Variants in FAM135B observed in about 807,000 individuals in gnomAD.
FAM135B encodes protein FAM135B.
In FAM135B, 43 loss-of-function variants were observed where a neutral mutation model predicts 127.7. That is an observed-to-expected ratio of 0.34 (90% CI 0.26 to 0.43). FAM135B has a LOEUF of 0.43. FAM135B is among the 20% of genes least tolerant of loss of function. The pLI is 1.00. For missense variants in FAM135B, 1,558 were observed against 1,725.6 expected, an observed-to-expected ratio of 0.90 and a Z score of 1.72; for synonymous variants, 670 against 665.1, an observed-to-expected ratio of 1.01 and a Z score of -0.11.
At chr8:138,430,908 T>A (rs1317662627) in intron 1 of FAM135B, among the ~76,000 whole-genome samples, 1 of 152,154 alleles carries the variant, frequency 6.6e-6, no homozygotes, top group Non-Finnish European at 1.5e-5. Flanking sequence ...AGTTTCCTCA[T>A]CCCTAAAATG....
chr8:138,207,994 T>A (rs1441155692), intron 7 of FAM135B, among the ~76,000 whole-genome samples: 1 of 152,174 alleles, frequency 6.6e-6, no homozygotes, highest in East Asian at 1.9e-4. Flanking sequence ...ATCCAATTGG[T>A]TCAGCACTCA....
chr8:138,313,102 A>C (rs940120068), intron 2 of FAM135B, among the ~76,000 whole-genome samples: 3 of 152,214 alleles, frequency 2.0e-5, no homozygotes, highest in African/African-American at 7.2e-5. Flanking sequence ...ATATAAAACT[A>C]TTAGGAAACA....
chr8:138,230,165 T>C (rs1360600594), intron 7 of FAM135B, among the ~76,000 whole-genome samples: 1 of 152,052 alleles, frequency 6.6e-6, no homozygotes, highest in Admixed American at 6.5e-5. Flanking sequence ...AAAGATGAAA[T>C]GGGAATACAG....
intron 3 of FAM135B, among the ~76,000 whole-genome samples, chr8:138,310,241 T>C (rs1826576491): frequency 6.6e-6 from 1 of 152,118 alleles, no homozygotes; most frequent in African/African-American, 2.4e-5. Flanking sequence ...TCCTAATAGC[T>C]CTACTAGTTA....
At chr8:138,226,028 G>C (rs539696498) in intron 7 of FAM135B, among the ~76,000 whole-genome samples, 1 of 152,098 alleles carries the variant, frequency 6.6e-6, no homozygotes. Context: ...AATAGTATTA[G>C]AGCCCAGTTT....
intron 1 of FAM135B, among the ~76,000 whole-genome samples, chr8:138,490,004 C>A (rs1815137938): frequency 6.6e-6 from 1 of 152,118 alleles, no homozygotes; most frequent in Non-Finnish European, 1.5e-5. Flanking sequence ...ACTTGTTTGT[C>A]TTTTTTAGAA....
chr8:138,323,295 C>T (rs558270310), intron 2 of FAM135B, among the ~76,000 whole-genome samples: 2 of 152,286 alleles, frequency 1.3e-5, no homozygotes, highest in Admixed American at 6.5e-5. Context: ...AAAGCAAAGC[C>T]AGGTTTTCTC....
At chr8:138,345,950 A>G (rs775315339) in intron 2 of FAM135B, among the ~76,000 whole-genome samples, 13 of 152,238 alleles carry the variant, frequency 8.5e-5, no homozygotes, top group Non-Finnish European at 1.8e-4. Context: ...AGGAACTTAA[A>G]TAAATTTACA....
chr8:138,461,564 T>A (rs1837118674), intron 1 of FAM135B, among the ~76,000 whole-genome samples: 1 of 152,226 alleles, frequency 6.6e-6, no homozygotes, highest in Admixed American at 6.5e-5. Flanking sequence ...AATGAAATGT[T>A]AAGCCAATAC....
At chr8:138,247,692 T>C (rs577326316) in intron 6 of FAM135B, among the ~76,000 whole-genome samples, 1 of 152,296 alleles carries the variant, frequency 6.6e-6, no homozygotes, top group South Asian at 2.1e-4. Flanking sequence ...CAAACCGGCC[T>C]CCAATCTGAT....
intron 3 of FAM135B, among the ~76,000 whole-genome samples, chr8:138,300,879 T>C (rs1825836648): frequency 6.6e-6 from 1 of 151,306 alleles, no homozygotes; most frequent in South Asian, 2.1e-4. Flanking sequence ...GTCTCCCGAG[T>C]AGCTGGGACT....
chr8:138,388,196 C>T (rs1832330814), intron 1 of FAM135B, among the ~76,000 whole-genome samples: 1 of 152,104 alleles, frequency 6.6e-6, no homozygotes, highest in Non-Finnish European at 1.5e-5. Context: ...AACAATGAGA[C>T]CCCACTACAT....
chr8:138,458,956 G>A (rs1470334066), intron 1 of FAM135B, among the ~76,000 whole-genome samples: 2 of 152,080 alleles, frequency 1.3e-5, no homozygotes, highest in African/African-American at 4.8e-5. Context: ...TGTACTGGTG[G>A]CCACACAGTA....
At chr8:138,212,353 T>G (rs946929336) in intron 7 of FAM135B, among the ~76,000 whole-genome samples, 1 of 152,178 alleles carries the variant, frequency 6.6e-6, no homozygotes, top group African/African-American at 2.4e-5. Context: ...GCCATCACAC[T>G]GGCAACCGTA....
intron 1 of FAM135B, among the ~76,000 whole-genome samples, chr8:138,471,554 C>T (rs1434900719): frequency 6.6e-6 from 1 of 152,116 alleles, no homozygotes; most frequent in Non-Finnish European, 1.5e-5. Flanking sequence ...CATTTACCCA[C>T]TGAGACAGGA....
intron 12 of FAM135B, among the ~76,000 whole-genome samples, chr8:138,159,228 C>T (rs1156786535): frequency 6.1e-5 from 8 of 131,622 alleles, no homozygotes; most frequent in East Asian, 4.7e-4. Context: ...GCCGAGATTG[C>T]GCCACTGCAG....
In FAM135B at chr8:138,193,898, C is replaced by T. The variant is rs187746129; in HGVS notation, c.873+1360G>A. Among the ~76,000 whole-genome samples the T allele has an allele frequency of 4.3e-3, 654 of 152,310 alleles. 4 individuals carry two copies. Among genetic ancestry groups the T allele is most frequent in the Non-Finnish European group, 7.3e-3 (494 of 68,020 alleles). On this transcript the variant is annotated intron_variant, in intron 9 of 19. Transcript: ENST00000395297. ...AGCTCAGAGCCTGGATTTAAACCCA[C>T]GCCAGCATGGCTTTGACGCTTCTGG...
Position 138,243,644 on chromosome 8 carries a change from C to T in FAM135B, c.543-576G>A, listed in dbSNP as rs1284196930. On this transcript the variant is annotated intron_variant, in intron 6 of 19. Transcript: ENST00000395297. The surrounding 1 kb of genome is among the most constrained non-coding windows in gnomAD (Gnocchi z 7.5). The stretch of plus-strand genomic sequence containing the variant: ...TCACAAATGTGCAGTTCCTGCCCAG[C>T]TCTGCAATCCAAAGATTAATGGACA... 1.3e-5 allele frequency among the ~76,000 whole-genome samples: 2 copies of T among 152,214 alleles called. No homozygotes were observed. The highest frequency in any genetic ancestry group is 2.4e-5 in the African/African-American group (1 of 41,450).
intron 13 of FAM135B, among the ~76,000 whole-genome samples, chr8:138,150,889 T>C (rs1332933455): frequency 6.6e-6 from 1 of 152,092 alleles, no homozygotes; most frequent in East Asian, 1.9e-4. Flanking sequence ...AATGGTCTAA[T>C]TTTTGTATAA....
Sources: allele counts gnomAD v4.1 joint callset (sites outside exome capture counted in the v4.1 genomes callset), GRCh38; gene constraint gnomAD v4.1.1; non-coding constraint Gnocchi (gnomAD v3.1); transcripts MANE v1.5; gene names NCBI Gene and HGNC (gene_info 2026-07-23, HGNC 2026-07-21).